RAPGEF1: variants seen among roughly 807,000 people sequenced by gnomAD.
RAPGEF1 encodes the protein Rap guanine nucleotide exchange factor 1.
RAPGEF1 carries 33 observed loss-of-function variants against 143.3 expected under a neutral mutation model. That is an observed-to-expected ratio of 0.23 (90% CI 0.17 to 0.31). The LOEUF is 0.31. RAPGEF1 is among the 10% of genes least tolerant of loss of function. The pLI, the probability that RAPGEF1 is intolerant of heterozygous loss-of-function variation, is 1.00. For synonymous variants in RAPGEF1, 629 were observed against 676.5 expected (o/e 0.93, Z 1.09); for missense variants, 1,199 against 1,645.4 (o/e 0.73, Z 4.69).
At chr9:131,579,705 G>A (rs1429452394) in intron 26 of RAPGEF1, 58 bp from the exon 27 acceptor site, 1 of 1,572,334 alleles carries the variant, frequency 6.4e-7, no homozygotes, top group Non-Finnish European at 8.7e-7. Context: ...ATGGCCCGAT[G>A]GCGCCACCCT....
chr9:131,708,249 T>C (rs897925308), intron 1 of RAPGEF1, among the ~76,000 whole-genome samples: 1 of 152,222 alleles, frequency 6.6e-6, no homozygotes, highest in Non-Finnish European at 1.5e-5. Flanking sequence ...GAAAAAACTG[T>C]CTTGCTACTG....
intron 1 of RAPGEF1, among the ~76,000 whole-genome samples, chr9:131,714,035 A>G (rs1267721638): frequency 6.6e-6 from 1 of 152,044 alleles, no homozygotes; most frequent in African/African-American, 2.4e-5. Flanking sequence ...TCTTACAAAC[A>G]TCTGTACCTC....
chr9:131,611,045 CT>C (rs1564519957), intron 12 of RAPGEF1, among the ~76,000 whole-genome samples: 1 of 152,236 alleles, frequency 6.6e-6, no homozygotes, highest in Non-Finnish European at 1.5e-5. Flanking sequence ...GGGGCAACTC[CT>C]TTTCCTTGAT....
Position 131,628,618 on chromosome 9 carries a change from T to C in RAPGEF1, c.948A>G (p.Arg316=). ...GGCTCATGGGGGCCACCACAGCCAC[T>C]CGGGTAGGGGACGGCGCCGACTGTC... ...KKRQSAPSPT[R]VAVVAPMSRA... Residue 316 remains arginine (R), a synonymous_variant, in exon 8 of 27, where the codon CGA becomes CGG. Transcript: ENST00000683357. This position sits in a 1 kb window ranked among gnomAD's most constrained non-coding sequence, Gnocchi z 5.7. 1.2e-6 allele frequency: 2 copies of C among 1,613,006 alleles called. No individual in the cohort carries two copies. Among genetic ancestry groups the C allele is most frequent in the South Asian group, 2.2e-5 (2 of 91,048 alleles).
At chr9:131,706,767 CG>C (rs1564187233) in intron 1 of RAPGEF1, among the ~76,000 whole-genome samples, 1 of 152,156 alleles carries the variant, frequency 6.6e-6, no homozygotes, top group African/African-American at 2.4e-5. Context: ...CCGCAGTCCC[CG>C]GGTCTATCAG....
intron 1 of RAPGEF1, among the ~76,000 whole-genome samples, chr9:131,683,858 T>C (rs1833115122): frequency 6.6e-6 from 1 of 152,256 alleles, no homozygotes; most frequent in African/African-American, 2.4e-5. Flanking sequence ...TATGATTTCA[T>C]ACAGATGAAC....
At chr9:131,612,401 T>C (rs1182788471) in intron 12 of RAPGEF1, among the ~76,000 whole-genome samples, 1 of 151,620 alleles carries the variant, frequency 6.6e-6, no homozygotes, top group African/African-American at 2.4e-5. Flanking sequence ...ATTCTCAAAG[T>C]CTACAACCAG....
At chr9:131,723,269 A>G (rs2131291638) in intron 1 of RAPGEF1, among the ~76,000 whole-genome samples, 1 of 152,344 alleles carries the variant, frequency 6.6e-6, no homozygotes, top group South Asian at 2.1e-4. Flanking sequence ...AACATTGAAA[A>G]AACTGTGGTA....
At chr9:131,611,180 G>A (rs919521573) in intron 12 of RAPGEF1, among the ~76,000 whole-genome samples, 9 of 152,216 alleles carry the variant, frequency 5.9e-5, no homozygotes, top group African/African-American at 9.6e-5. Context: ...GCCACTGACC[G>A]TTTTGTCTTT....
chr9:131,593,092 C>T (rs954792802), intron 17 of RAPGEF1, among the ~76,000 whole-genome samples: 4 of 152,200 alleles, frequency 2.6e-5, no homozygotes, highest in East Asian at 1.9e-4. Context: ...GGAAATTCCA[C>T]GTTTTGGGTC....
At chr9:131,633,614 G>A (rs1161940113) in intron 5 of RAPGEF1, among the ~76,000 whole-genome samples, 1 of 152,196 alleles carries the variant, frequency 6.6e-6, no homozygotes, top group Non-Finnish European at 1.5e-5. Context: ...TGGAATGACA[G>A]GCACACATGT....
At chr9:131,673,682 C>A (rs1480532310) in intron 1 of RAPGEF1, among the ~76,000 whole-genome samples, 2 of 152,140 alleles carry the variant, frequency 1.3e-5, no homozygotes, top group African/African-American at 2.4e-5. Context: ...TGGAGGGCTA[C>A]AAAAGCACCC....
At position 131,584,975 on chromosome 9, in the gene RAPGEF1, G is replaced by C. The variant is rs904691284; in HGVS notation, c.3234-379C>G. Among the ~76,000 whole-genome samples, 5 of 152,202 alleles carry C rather than the reference G, an allele frequency of 3.3e-5. No homozygotes were observed. The highest frequency in any genetic ancestry group is 7.4e-5 in the Non-Finnish European group (5 of 68,026). ...GTGTGATGCAGGACTGGCTCGGGGAGACCCGCTAGCACGTGAGGTAAGAGG... is the reference window on the plus strand; with the variant it reads ...GTGTGATGCAGGACTGGCTCGGGGACACCCGCTAGCACGTGAGGTAAGAGG... On this transcript the variant is annotated intron_variant, in intron 22 of 26. Transcript: ENST00000683357. This position sits in a 1 kb window ranked among gnomAD's most constrained non-coding sequence, Gnocchi z 6.8.
chr9:131,685,949 T>A (rs899405424), intron 1 of RAPGEF1, among the ~76,000 whole-genome samples: 2 of 152,278 alleles, frequency 1.3e-5, no homozygotes, highest in African/African-American at 4.8e-5. Flanking sequence ...TCAGAGCATA[T>A]GATGCCAGGT....
intron 1 of RAPGEF1, among the ~76,000 whole-genome samples, chr9:131,732,044 C>A (rs4991742): frequency 2.3e-4 from 35 of 152,246 alleles, no homozygotes; most frequent in South Asian, 6.2e-4. Context: ...AACCTCCCCC[C>A]CTGTACCTTA....
intron 1 of RAPGEF1, 32 bp downstream of exon 1, chr9:131,739,738 C>A: frequency 9.0e-7 from 1 of 1,111,436 alleles, no homozygotes; most frequent in Non-Finnish European, 1.1e-6. Context: ...CCGGGCCCGG[C>A]CGGAGGGAGC....
intron 15 of RAPGEF1, among the ~76,000 whole-genome samples, chr9:131,600,249 AC>A (rs1208890089): frequency 2.0e-5 from 3 of 152,204 alleles, no homozygotes; most frequent in Non-Finnish European, 4.4e-5. Context: ...TGGAGGGACA[AC>A]ATCCCATAAT....
chr9:131,649,949 C>A (rs1438505070), intron 3 of RAPGEF1, among the ~76,000 whole-genome samples, 180 bp downstream of exon 3: 2 of 152,206 alleles, frequency 1.3e-5, no homozygotes, highest in Non-Finnish European at 2.9e-5. Flanking sequence ...TGGGACCTTG[C>A]ATAAACTCTC....
chr9:131,626,047 G>C lies in RAPGEF1; in HGVS notation c.1577C>G (p.Ala526Gly), dbSNP rs771184846. The change falls in exon 10 of 27, where the codon GCT (alanine) becomes GGT (glycine). Residue 526 changes from alanine (A) to glycine (G), a missense_variant. Around this residue, in one of 6 missense-constraint regions of RAPGEF1, gnomAD observed 613 missense variants for 710.9 expected, o/e 0.86. Coordinates refer to ENST00000683357, the MANE Select transcript of RAPGEF1 (RefSeq NM_001377935.1). ...IPSVPYAPFA[A>G]ILPFQHGGSS... ...ACCTCCATGCTGAAAGGGCAGAATA[G>C]CAGCAAAGGGCGCGTAGGGGACGGA... 1.3e-5 allele frequency: 21 copies of C among 1,613,404 alleles called. No individual in the cohort carries two copies. In the South Asian group the frequency reaches 2.3e-4, roughly 18 times the overall value.
Sources: allele counts gnomAD v4.1 joint callset (sites outside exome capture counted in the v4.1 genomes callset), GRCh38; gene constraint gnomAD v4.1.1; regional missense constraint gnomAD v4.1.1; non-coding constraint Gnocchi (gnomAD v3.1); transcripts MANE v1.5; gene names NCBI Gene and HGNC (gene_info 2026-07-23, HGNC 2026-07-21).